Variants in CDK13 observed in about 807,000 individuals in gnomAD.
CDK13 encodes the protein cyclin-dependent kinase 13.
A neutral mutation model predicts 137.6 loss-of-function variants in CDK13; 40 were observed. That is an observed-to-expected ratio of 0.29 (90% CI 0.23 to 0.38). The LOEUF is 0.38. Ranked by LOEUF, CDK13 falls within the 10% of genes least tolerant of loss-of-function variation. The pLI is 1.00. For synonymous variants in CDK13, 869 were observed against 760.1 expected, an observed-to-expected ratio of 1.14 and a Z score of -2.36; for missense variants, 1,704 against 1,951.8, an observed-to-expected ratio of 0.87 and a Z score of 2.39.
At chr7:39,960,387 C>G (rs1033197059) in intron 1 of CDK13, among the ~76,000 whole-genome samples, 15 of 151,650 alleles carry the variant, frequency 9.9e-5, no homozygotes, top group African/African-American at 3.6e-4. Flanking sequence ...TCGCGAGTAG[C>G]TGGGACTACA....
chr7:40,073,701 C>T (rs1324220477), intron 9 of CDK13: 2 of 150,132 alleles, frequency 1.3e-5, no homozygotes, highest in African/African-American at 2.5e-5. Flanking sequence ...AAGTGAGTCT[C>T]CTGCCTCAGC....
chr7:40,008,302 C>T (rs369663534), intron 5 of CDK13, among the ~76,000 whole-genome samples: 1 of 152,204 alleles, frequency 6.6e-6, no homozygotes, highest in Non-Finnish European at 1.5e-5. Context: ...TCTGTAGCTA[C>T]GTGTAGCTAC....
chr7:39,950,776 G>A lies in CDK13; in HGVS notation c.135G>A (p.Gln45=), dbSNP rs746891312. 2 of 1,474,540 alleles carry A rather than the reference G, an allele frequency of 1.4e-6. No homozygotes were observed. The highest frequency in any genetic ancestry group is 1.5e-5 in the African/African-American group (1 of 68,162). 91.3% of individuals were successfully genotyped at this position (1,474,540 alleles called of 1,614,324 possible). A position where few individuals can be genotyped will look rare whatever the true frequency, so the allele number is the denominator to read the frequency against. Residue 45 remains glutamine, a synonymous_variant, in exon 1 of 14, where the codon CAG becomes CAA. Coordinates refer to ENST00000181839, the MANE Select transcript of CDK13 (RefSeq NM_003718.5). ...CGCCGCTGCTGTTGCCGCTCCTGCAGCCGCAGCTCCTGCAACCGCCGCCGC... is the reference window on the plus strand; with the variant it reads ...CGCCGCTGCTGTTGCCGCTCCTGCAACCGCAGCTCCTGCAACCGCCGCCGC... The part of the protein sequence containing the change: ...QQPPLLLPLL[Q]PQLLQPPPPP...
chr7:40,047,901 T>C, intron 7 of CDK13, 24 bp downstream of exon 7: 1 of 1,475,272 alleles, frequency 6.8e-7, no homozygotes, highest in Non-Finnish European at 9.5e-7. Flanking sequence ...CAAATGAATA[T>C]TGTAGATACT....
Position 40,094,739 on chromosome 7 carries a change from C to A in CDK13, c.4298C>A (p.Pro1433His). The change falls in exon 14 of 14, where the codon CCT becomes CAT. Residue 1433 changes from proline (P) to histidine (H), a missense_variant. Pro to His is a moderately conservative substitution (Grantham distance 77). This residue lies in a region of CDK13 where 475 missense variants were observed against 579.3 expected (regional missense o/e 0.82). Coordinates refer to ENST00000181839, the MANE Select transcript of CDK13 (RefSeq NM_003718.5). Reference sequence around the variant, plus strand: ...CATAGATTTGAATATAGCCATGGTCCTATTGCAGTCCTGGCAAACAGCAGT... The same window carrying A: ...CATAGATTTGAATATAGCCATGGTCATATTGCAGTCCTGGCAAACAGCAGT... ...KDHRFEYSHG[P>H]IAVLANSSDP... 1 of 1,613,978 alleles carries A rather than the reference C, an allele frequency of 6.2e-7. No homozygotes were observed. Among genetic ancestry groups the A allele is most frequent in the Non-Finnish European group, 8.5e-7 (1 of 1,179,938 alleles).
At position 39,952,209 on chromosome 7, in the gene CDK13, AT is replaced by A. The variant is rs1277424732; in HGVS notation, c.1211+361del. 3 of 192,938 alleles carry A rather than the reference AT, an allele frequency of 1.6e-5. No individual in the cohort carries two copies. The East Asian group carries it at 3.6e-4, about 23-fold the overall frequency. 12.0% of individuals were successfully genotyped at this position (192,938 alleles called of 1,614,324 possible). The stretch of plus-strand genomic sequence containing the variant: ...AAACCTAGAGGTGGTTTAAGTCTTA[AT>A]TTTGAAAGTTCTGTGAAGAGGTTTC... On this transcript the variant is annotated intron_variant, in intron 1 of 13. Transcript: ENST00000181839.
intron 5 of CDK13, among the ~76,000 whole-genome samples, chr7:40,043,932 T>G (rs1158993239): frequency 6.6e-6 from 1 of 151,406 alleles, no homozygotes; most frequent in African/African-American, 2.4e-5. Flanking sequence ...AATCTTGCTC[T>G]GTTGCACAGG....
intron 11 of CDK13, among the ~76,000 whole-genome samples, chr7:40,086,809 CT>C (rs35337864): frequency 2.2e-3 from 270 of 122,490 alleles, no homozygotes; most frequent in African/African-American, 4.8e-3. Flanking sequence ...TAGCCTTACT[CT>C]TTTTTTTTTT....
chr7:39,951,067 G>A lies in CDK13; in HGVS notation c.426G>A (p.Pro142=), dbSNP rs1484360053. The A allele has an allele frequency of 7.1e-6, 9 of 1,274,268 alleles. No homozygotes were observed. The African/African-American group carries it at 1.2e-4, about 18-fold the overall frequency. 78.9% of individuals were successfully genotyped at this position (1,274,268 alleles called of 1,614,324 possible). A position where few individuals can be genotyped will look rare whatever the true frequency, so the allele number is the denominator to read the frequency against. Residue 142 remains proline, a synonymous_variant, in exon 1 of 14, where the codon CCG becomes CCA. Transcript: ENST00000181839. ...CTAGTAGCGGCGGGGGTGTGACCCCGCTGGTGGAATACGAGGATGTGAGCT... is the reference window on the plus strand; with the variant it reads ...CTAGTAGCGGCGGGGGTGTGACCCCACTGGTGGAATACGAGGATGTGAGCT... ...GGASSGGGVT[P]LVEYEDVSSQ...
intron 1 of CDK13, among the ~76,000 whole-genome samples, chr7:39,979,699 A>G (rs1784183919): frequency 6.6e-6 from 1 of 152,110 alleles, no homozygotes; most frequent in African/African-American, 2.4e-5. Context: ...GTTACACCTT[A>G]CATTTTAAGA....
intron 7 of CDK13, among the ~76,000 whole-genome samples, chr7:40,049,777 C>T (rs984412228): frequency 2.0e-5 from 3 of 152,112 alleles, no homozygotes; most frequent in Non-Finnish European, 2.9e-5. Flanking sequence ...CAGCTCTACT[C>T]TCTACCTCTA....
intron 9 of CDK13, among the ~76,000 whole-genome samples, chr7:40,074,835 A>C (rs577353571): frequency 7.3e-4 from 111 of 151,530 alleles, no homozygotes; most frequent in Middle Eastern, 3.4e-3. Flanking sequence ...AAAAAAAAAA[A>C]CAAAATATTT....
At chr7:39,986,142 T>G (rs560551087) in intron 1 of CDK13, 2 of 152,342 alleles carry the variant, frequency 1.3e-5, no homozygotes, top group South Asian at 4.1e-4. Context: ...GGTGTTGACT[T>G]CAGGTAACGT....
At chr7:40,018,752 CAGAA>C (rs1785053301) in intron 5 of CDK13, among the ~76,000 whole-genome samples, 4 of 152,022 alleles carry the variant, frequency 2.6e-5, no homozygotes, top group Admixed American at 2.0e-4. Flanking sequence ...GCTGGAGACT[CAGAA>C]AGGGGGAGAG....
Position 39,951,860 on chromosome 7 carries a change from C to T in CDK13, c.1211+8C>T, listed in dbSNP as rs762874336. The T allele has an allele frequency of 1.5e-6, 2 of 1,357,676 alleles. No homozygotes were observed. The highest frequency in any genetic ancestry group is 1.5e-5 in the African/African-American group (1 of 66,870). The allele number at this position is 1,357,676 out of a possible 1,614,324, so 84.1% of individuals were successfully genotyped here. A position where few individuals can be genotyped will look rare whatever the true frequency, so the allele number is the denominator to read the frequency against. ...CTACAGCCCTGTGCTCAGGTGAGTTCTGCCGTTCTGCCTGTGTGTGCCTTG... is the reference window on the plus strand; with the variant it reads ...CTACAGCCCTGTGCTCAGGTGAGTTTTGCCGTTCTGCCTGTGTGTGCCTTG... On this transcript the variant is annotated splice_region_variant and intron_variant, in intron 1 of 13. Transcript: ENST00000181839.
intron 1 of CDK13, among the ~76,000 whole-genome samples, chr7:39,966,028 T>G (rs1402216438): frequency 6.6e-6 from 1 of 152,194 alleles, no homozygotes; most frequent in Admixed American, 6.5e-5. Flanking sequence ...TAACCCGACC[T>G]TTCTCTCTGG....
At chr7:40,016,850 G>A (rs993354323) in intron 5 of CDK13, among the ~76,000 whole-genome samples, 4 of 151,818 alleles carry the variant, frequency 2.6e-5, no homozygotes, top group African/African-American at 9.7e-5. Context: ...AATTTTTCTC[G>A]TTTGTTTTTT....
At chr7:39,988,729 TA>T (rs111249298) in intron 2 of CDK13, among the ~76,000 whole-genome samples, 3 of 151,858 alleles carry the variant, frequency 2.0e-5, no homozygotes, top group East Asian at 3.9e-4. Flanking sequence ...CTCTTTTAAT[TA>T]AAAAAAAATT....
intron 5 of CDK13, among the ~76,000 whole-genome samples, chr7:40,005,802 T>C (rs1241586951): frequency 1.3e-5 from 2 of 152,122 alleles, no homozygotes; most frequent in East Asian, 3.9e-4. Context: ...CAATCAGGGC[T>C]TACTGCAGCC....
Sources: allele counts gnomAD v4.1 joint callset (sites outside exome capture counted in the v4.1 genomes callset), GRCh38; gene constraint gnomAD v4.1.1; regional missense constraint gnomAD v4.1.1; transcripts MANE v1.5; gene names NCBI Gene and HGNC (gene_info 2026-07-23, HGNC 2026-07-21).